Variants in SSH2 observed in about 807,000 individuals in gnomAD.
SSH2 encodes protein phosphatase Slingshot homolog 2.
In SSH2, 37 loss-of-function variants were observed where a neutral mutation model predicts 135.2. The ratio of observed to expected loss-of-function variants is 0.27; its 90% CI spans 0.21 to 0.36. SSH2 has a LOEUF of 0.36. Ranked by LOEUF, SSH2 falls within the 10% of genes least tolerant of loss-of-function variation. SSH2 has a pLI of 1.00. For missense variants in SSH2, 1,408 were observed against 1,765.3 expected (o/e 0.80, Z 3.63); for synonymous variants, 628 against 646.2 (o/e 0.97, Z 0.43).
At chr17:29,855,351 A>G (rs1012435676) in intron 1 of SSH2, among the ~76,000 whole-genome samples, 4 of 152,028 alleles carry the variant, frequency 2.6e-5, no homozygotes, top group Non-Finnish European at 5.9e-5. Flanking sequence ...TAAAAATACA[A>G]AAAATTAGCT....
At chr17:29,916,054 A>C (rs1424975624) in intron 1 of SSH2, among the ~76,000 whole-genome samples, 1 of 148,308 alleles carries the variant, frequency 6.7e-6, no homozygotes, top group Non-Finnish European at 1.5e-5. Flanking sequence ...GAAATAACAA[A>C]AATTTAAAAA....
At chr17:29,744,860 A>AGTGAGT (rs1555625827) in intron 3 of SSH2, among the ~76,000 whole-genome samples, 1 of 140,426 alleles carries the variant, frequency 7.1e-6, no homozygotes, top group Non-Finnish European at 1.5e-5. Context: ...GGATTACTTG[A>AGTGAGT]GTGTGTGTGT....
At chr17:29,676,403 T>TA (rs2037721610) in intron 8 of SSH2, 3 of 158,178 alleles carry the variant, frequency 1.9e-5, no homozygotes, top group Non-Finnish European at 4.1e-5. Context: ...GCCACTGCAC[T>TA]CCAGCCTGGG....
chr17:29,759,857 G>C (rs1165150678), intron 3 of SSH2, among the ~76,000 whole-genome samples: 2 of 152,122 alleles, frequency 1.3e-5, no homozygotes, highest in African/African-American at 4.8e-5. Flanking sequence ...CATTTTTAAA[G>C]TACTGTTAAC....
At chr17:29,649,646 C>A (rs2036515365) in intron 13 of SSH2, among the ~76,000 whole-genome samples, 1 of 152,136 alleles carries the variant, frequency 6.6e-6, no homozygotes, top group Non-Finnish European at 1.5e-5. Context: ...TCAGCAAGAT[C>A]TTTGTTCAAG....
intron 1 of SSH2, among the ~76,000 whole-genome samples, chr17:29,909,032 G>A (rs552686312): frequency 3.3e-5 from 5 of 151,190 alleles, no homozygotes; most frequent in South Asian, 2.1e-4. Context: ...AGCCGAGATC[G>A]TGCCACTGCA....
chr17:29,645,768 C>T (rs759934712), intron 14 of SSH2: 5 of 152,154 alleles, frequency 3.3e-5, no homozygotes, highest in Admixed American at 2.6e-4. Context: ...AAACACAGGA[C>T]GCTTCAGTAT....
At chr17:29,697,318 G>A (rs2038798415) in intron 4 of SSH2, among the ~76,000 whole-genome samples, 1 of 152,092 alleles carries the variant, frequency 6.6e-6, no homozygotes, top group Non-Finnish European at 1.5e-5. Flanking sequence ...AGTATAACTT[G>A]TTCTCACATT....
intron 3 of SSH2, among the ~76,000 whole-genome samples, chr17:29,766,084 A>AAAT (rs2041441557): frequency 1.7e-5 from 2 of 118,900 alleles, no homozygotes; most frequent in Non-Finnish European, 3.9e-5. Context: ...ATTCAAATTT[A>AAAT]TTATTATTAT....
At chr17:29,648,770 G>A (rs2036477470) in intron 13 of SSH2, among the ~76,000 whole-genome samples, 1 of 152,240 alleles carries the variant, frequency 6.6e-6, no homozygotes, top group South Asian at 2.1e-4. Flanking sequence ...GCTGAGGCAG[G>A]TGGATCACTT....
At chr17:29,742,508 A>AT (rs991218439) in intron 3 of SSH2, among the ~76,000 whole-genome samples, 7 of 84,160 alleles carry the variant, frequency 8.3e-5, no homozygotes, top group African/African-American at 1.2e-4. Context: ...TTTCTTTTCA[A>AT]TTTTTTGTGG....
At chr17:29,809,363 T>C (rs1000579730) in intron 2 of SSH2, among the ~76,000 whole-genome samples, 10 of 152,206 alleles carry the variant, frequency 6.6e-5, no homozygotes, top group African/African-American at 2.4e-4. Context: ...ACAAGTATTT[T>C]CTTTTACCCA....
In SSH2 at chr17:29,632,034, C is replaced by T. The variant is rs1165733946; in HGVS notation, c.3160G>A (p.Gly1054Arg). 1.2e-6 allele frequency: 2 copies of T among 1,614,236 alleles called. No homozygotes were observed. Among genetic ancestry groups the T allele is most frequent in the South Asian group, 2.2e-5 (2 of 91,086 alleles). Reference protein sequence around the residue: ...IVTSPNHTGPGSEIATSEKSG... With the variant: ...IVTSPNHTGPRSEIATSEKSG... The stretch of plus-strand genomic sequence containing the variant: ...TTCTCACTGGTGGCTATTTCACTCC[C>T]TGGCCCAGTGTGATTGGGTGATGTA... Residue 1054 changes from glycine to arginine, a missense_variant, in exon 16 of 16, where the codon GGG (glycine) becomes AGG (arginine). Coordinates refer to ENST00000540801, the MANE Select transcript of SSH2 (RefSeq NM_001282129.2).
chr17:29,902,259 A>G (rs2066571367), intron 1 of SSH2, among the ~76,000 whole-genome samples: 1 of 152,214 alleles, frequency 6.6e-6, no homozygotes, highest in African/African-American at 2.4e-5. Flanking sequence ...GCAAAGTAAA[A>G]TACCAACTCA....
chr17:29,872,869 GC>G (rs1287359433), intron 1 of SSH2, among the ~76,000 whole-genome samples: 1 of 151,898 alleles, frequency 6.6e-6, no homozygotes, highest in East Asian at 1.9e-4. Context: ...GGTGCCGCGT[GC>G]CTATAATCCC....
At chr17:29,880,904 T>C (rs2066126940) in intron 1 of SSH2, among the ~76,000 whole-genome samples, 1 of 152,246 alleles carries the variant, frequency 6.6e-6, no homozygotes, top group African/African-American at 2.4e-5. Flanking sequence ...TGGGGATTCC[T>C]GGCTCAGTTC....
chr17:29,779,679 C>T (rs773011313), intron 3 of SSH2, among the ~76,000 whole-genome samples: 24 of 151,044 alleles, frequency 1.6e-4, no homozygotes, highest in Admixed American at 1.5e-3. Flanking sequence ...ATTAGCTGGG[C>T]GTGGTGGTGG....
intron 3 of SSH2, among the ~76,000 whole-genome samples, chr17:29,783,410 A>C (rs1319771318): frequency 1.3e-5 from 2 of 151,394 alleles, no homozygotes; most frequent in African/African-American, 4.9e-5. Flanking sequence ...CAAGCTGAGG[A>C]GCAAGAAGAG....
chr17:29,661,575 T>G (rs1035114443), intron 11 of SSH2, among the ~76,000 whole-genome samples: 5 of 152,128 alleles, frequency 3.3e-5, no homozygotes, highest in Admixed American at 1.3e-4. Flanking sequence ...TGCTCAACCT[T>G]AGAAAACAAG....
Sources: allele counts gnomAD v4.1 joint callset (sites outside exome capture counted in the v4.1 genomes callset), GRCh38; gene constraint gnomAD v4.1.1; transcripts MANE v1.5; gene names NCBI Gene and HGNC (gene_info 2026-07-23, HGNC 2026-07-21).